ACTN2: variants seen among roughly 807,000 people sequenced by gnomAD.
The protein encoded by ACTN2 is alpha-actinin-2.
ACTN2 carries 39 observed loss-of-function variants against 113.8 expected under a neutral mutation model. The ratio of observed to expected loss-of-function variants is 0.34; its 90% confidence interval spans 0.27 to 0.45. ACTN2 has a LOEUF of 0.45. Among genes scored for constraint, ACTN2 ranks in the 20% least tolerant of loss-of-function variants. The pLI is 1.00. For synonymous variants in ACTN2, 429 were observed against 444.1 expected (o/e 0.97, Z 0.43); for missense variants, 992 against 1,177.9 (o/e 0.84, Z 2.31).
intron 2 of ACTN2, among the ~76,000 whole-genome samples, 161 bp from the exon 3 acceptor site, chr1:236,718,733 G>T (rs766821431): frequency 6.6e-6 from 1 of 152,166 alleles, no homozygotes; most frequent in Non-Finnish European, 1.5e-5. Context: ...CTGGGTTAGT[G>T]TTCCCTCATT....
intron 4 of ACTN2, among the ~76,000 whole-genome samples, chr1:236,725,494 G>A (rs1658520226): frequency 6.6e-6 from 1 of 152,038 alleles, no homozygotes; most frequent in African/African-American, 2.4e-5. Context: ...CGGGCATGGT[G>A]GTGGCACCTG....
chr1:236,697,760 CTT>C (rs750251378), intron 1 of ACTN2, among the ~76,000 whole-genome samples: 44 of 124,952 alleles, frequency 3.5e-4, no homozygotes, highest in Middle Eastern at 4.3e-3. Flanking sequence ...GAAACAAGTT[CTT>C]TTTTTTTTTT....
intron 4 of ACTN2, among the ~76,000 whole-genome samples, chr1:236,721,014 T>TG (rs796082728): frequency 0.31 from 9,591 of 30,868 alleles, 3,287 homozygotes; most frequent in South Asian, 0.52. Flanking sequence ...CTCTGGTTTT[T>TG]GTTTTTTGTT....
At chr1:236,745,892 A>G (rs1486801177) in intron 12 of ACTN2, among the ~76,000 whole-genome samples, 8 of 152,240 alleles carry the variant, frequency 5.3e-5, no homozygotes, top group Admixed American at 3.3e-4. Flanking sequence ...GGCTGGGCAC[A>G]GTGGCTCACG....
chr1:236,708,985 C>G (rs1423834990), intron 1 of ACTN2, among the ~76,000 whole-genome samples: 2 of 151,772 alleles, frequency 1.3e-5, no homozygotes, highest in African/African-American at 4.8e-5. Flanking sequence ...TAGAGGTAAT[C>G]TTGGCAAATT....
At position 236,748,167 on chromosome 1, in the gene ACTN2, G is replaced by A. The variant is rs1307965115; in HGVS notation, c.1515+392G>A. The stretch of plus-strand genomic sequence containing the variant: ...AGTGTTGAAGTGAGTACATTGATAG[G>A]AAACAGAATTGGGACGAATTTGGCC... On this transcript the variant is annotated intron_variant, in intron 13 of 20. Transcript: ENST00000366578. 7.2e-5 allele frequency: 19 copies of A among 263,924 alleles called. No homozygotes were observed. The East Asian group carries it at 1.8e-3, about 26-fold the overall frequency. The allele number at this position is 263,924 out of a possible 1,614,324, so 16.3% of individuals were successfully genotyped here.
At chr1:236,722,644 A>AAC (rs1490967816) in intron 4 of ACTN2, among the ~76,000 whole-genome samples, 3 of 151,480 alleles carry the variant, frequency 2.0e-5, no homozygotes, top group Non-Finnish European at 2.9e-5. Flanking sequence ...CAAAAAAAAA[A>AAC]AAAAAAAGAA....
At chr1:236,695,025 C>CA (rs1188217399) in intron 1 of ACTN2, among the ~76,000 whole-genome samples, 2 of 151,866 alleles carry the variant, frequency 1.3e-5, no homozygotes, top group African/African-American at 4.8e-5. Flanking sequence ...ATGATGGCAC[C>CA]ACTGCACTCC....
At chr1:236,737,548 G>GTTT (rs59220764) in intron 9 of ACTN2, among the ~76,000 whole-genome samples, 1 of 143,192 alleles carries the variant, frequency 7.0e-6, no homozygotes, top group Non-Finnish European at 1.5e-5. Flanking sequence ...TGGGTTACTT[G>GTTT]TTTTTTTTTT....
chr1:236,735,773 T>C, intron 8 of ACTN2, 53 bp downstream of exon 8: 2 of 1,468,396 alleles, frequency 1.4e-6, no homozygotes, highest in African/African-American at 2.8e-5. Context: ...TTGGTTTTAG[T>C]TGTGTGTGCA....
At chr1:236,697,479 A>G (rs77580967) in intron 1 of ACTN2, among the ~76,000 whole-genome samples, 4,965 of 152,302 alleles carry the variant, frequency 0.033, 130 homozygotes, top group Middle Eastern at 0.082. Flanking sequence ...AGAAGGCACT[A>G]AAGTGAGCTA....
At position 236,749,135 on chromosome 1, in the gene ACTN2, A is replaced by T; in HGVS notation, c.1527A>T (p.Lys509Asn). 1 of 1,614,180 alleles carries T rather than the reference A, an allele frequency of 6.2e-7. No homozygotes were observed. Among genetic ancestry groups the T allele is most frequent in the East Asian group, 2.2e-5 (1 of 44,874 alleles). The change falls in exon 14 of 21, where the codon AAA (lysine) becomes AAT (asparagine). Residue 509 changes from lysine to asparagine, a missense_variant. Around this residue, in one of 3 missense-constraint regions of ACTN2, gnomAD observed 736 missense variants for 815.4 expected, o/e 0.90. Coordinates refer to ENST00000366578, the MANE Select transcript of ACTN2 (RefSeq NM_001103.4). ...TCTTTATTCTTTAGAGAATGGAGAAATTGCTAGAAACCATTGATCAGCTTC... is the reference window on the plus strand; with the variant it reads ...TCTTTATTCTTTAGAGAATGGAGAATTTGCTAGAAACCATTGATCAGCTTC... Reference protein sequence around the residue: ...KRREALERMEKLLETIDQLHL... With the variant: ...KRREALERMENLLETIDQLHL...
chr1:236,726,383 G>A (rs1225492583), intron 5 of ACTN2, among the ~76,000 whole-genome samples: 4 of 152,160 alleles, frequency 2.6e-5, no homozygotes, highest in Middle Eastern at 3.4e-3. Context: ...CAGAGTCTGC[G>A]TACCCCCCAC....
intron 20 of ACTN2, among the ~76,000 whole-genome samples, chr1:236,761,457 G>GTGTGTGTA (rs1234774807): frequency 1.3e-5 from 2 of 151,632 alleles, no homozygotes; most frequent in African/African-American, 4.8e-5. Flanking sequence ...GTGTGTGTGT[G>GTGTGTGTA]TATGTGCGCG....
At chr1:236,736,022 G>C (rs6686148) in intron 8 of ACTN2, among the ~76,000 whole-genome samples, 6 of 152,314 alleles carry the variant, frequency 3.9e-5, no homozygotes, top group Non-Finnish European at 7.3e-5. Flanking sequence ...TGAGCCACAT[G>C]CATTGAATGG....
intron 18 of ACTN2, 124 bp from the exon 19 acceptor site, chr1:236,759,600 G>A: frequency 1.3e-6 from 1 of 790,728 alleles, no homozygotes; most frequent in Admixed American, 1.8e-5. Context: ...CAAGTCAGTG[G>A]TGACATTTAC....
At chr1:236,730,635 TTAAC>T (rs1658687977) in intron 6 of ACTN2, among the ~76,000 whole-genome samples, 1 of 152,218 alleles carries the variant, frequency 6.6e-6, no homozygotes, top group South Asian at 2.1e-4. Flanking sequence ...TTATGTATAT[TTAAC>T]TAGTTTTTAC....
intron 1 of ACTN2, among the ~76,000 whole-genome samples, chr1:236,695,565 C>CCCCCCG (rs1553296748): frequency 3.6e-5 from 3 of 82,278 alleles, no homozygotes; most frequent in Non-Finnish European, 6.9e-5. Flanking sequence ...AAATGAGTTC[C>CCCCCCG]CCCCCCCTGC....
chr1:236,734,598 T>A, intron 7 of ACTN2: 1 of 1,026,556 alleles, frequency 9.7e-7, no homozygotes, highest in Non-Finnish European at 1.4e-6. Flanking sequence ...TCCTCTTTTT[T>A]CCCCCCTCTC....
Sources: allele counts gnomAD v4.1 joint callset (sites outside exome capture counted in the v4.1 genomes callset), GRCh38; gene constraint gnomAD v4.1.1; regional missense constraint gnomAD v4.1.1; transcripts MANE v1.5; gene names NCBI Gene and HGNC (gene_info 2026-07-23, HGNC 2026-07-21).